RBPMS: variants seen among roughly 807,000 people sequenced by gnomAD.
RBPMS encodes RNA binding protein, mRNA processing factor.
In RBPMS, 7 loss-of-function variants were observed where a neutral mutation model predicts 26.8. The ratio of observed to expected loss-of-function variants is 0.26; its 90% CI spans 0.15 to 0.49. The LOEUF is 0.49. RBPMS is among the 20% of genes least tolerant of loss of function. RBPMS has a pLI of 0.98. For missense variants in RBPMS, 186 were observed against 250.0 expected, an observed-to-expected ratio of 0.74 and a Z score of 1.73; for synonymous variants, 96 against 93.3, an observed-to-expected ratio of 1.03 and a Z score of -0.17.
intron 6 of RBPMS, chr8:30,553,102 G>A (rs1215841517): frequency 2.0e-5 from 3 of 152,212 alleles, no homozygotes; most frequent in Admixed American, 6.5e-5. Context: ...AGATCATAGC[G>A]ACTTAATTGC....
At chr8:30,566,929 A>G (rs1388115275) in intron 8 of RBPMS, among the ~76,000 whole-genome samples, 1 of 152,098 alleles carries the variant, frequency 6.6e-6, no homozygotes, top group Non-Finnish European at 1.5e-5. Flanking sequence ...TTAGTAGTTC[A>G]TGGTTTTAGT....
chr8:30,425,182 C>G (rs1326541037), intron 1 of RBPMS, among the ~76,000 whole-genome samples: 1 of 151,762 alleles, frequency 6.6e-6, no homozygotes, highest in Non-Finnish European at 1.5e-5. Flanking sequence ...GTCTCAAACT[C>G]CTAGACTAAA....
intron 5 of RBPMS, among the ~76,000 whole-genome samples, chr8:30,528,819 GT>G (rs1480255939): frequency 2.6e-5 from 4 of 151,750 alleles, no homozygotes; most frequent in African/African-American, 7.3e-5. Flanking sequence ...TTTTTGGTTT[GT>G]TTTTTGGTTT....
At position 30,560,684 on chromosome 8, in the gene RBPMS, C is replaced by G. The variant is rs572775380; in HGVS notation, c.*7+1728C>G. On this transcript the variant is annotated intron_variant, in intron 7 of 8. Coordinates refer to ENST00000397323, the MANE Select transcript of RBPMS (RefSeq NM_001008710.3). Reference sequence around the variant, plus strand: ...AGGTCAGTGAAACAAATTTCTTTACCCAAAGATTCTCAGAGCCTTTATTAC... The same window carrying G: ...AGGTCAGTGAAACAAATTTCTTTACGCAAAGATTCTCAGAGCCTTTATTAC... Among the ~76,000 whole-genome samples, 20 of 152,166 alleles carry G rather than the reference C, an allele frequency of 1.3e-4. 1 individual carries two copies. In the South Asian group the frequency reaches 3.7e-3, roughly 28 times the overall value.
chr8:30,517,231 TG>T (rs1822433820), intron 5 of RBPMS, among the ~76,000 whole-genome samples: 1 of 138,756 alleles, frequency 7.2e-6, no homozygotes, highest in Non-Finnish European at 1.6e-5. Context: ...TGTGTGTGTG[TG>T]TGTGTGAAAT....
rs187513036 is a variant in RBPMS, at chr8:30,555,739, G to A, written c.529-3148G>A. 7.8e-4 allele frequency: 233 copies of A among 299,830 alleles called. 1 individual carries two copies. Among genetic ancestry groups the A allele is most frequent in the Admixed American group, 1.5e-3 (23 of 15,460 alleles). 18.6% of individuals were successfully genotyped at this position (299,830 alleles called of 1,614,324 possible). A position where few individuals can be genotyped will look rare whatever the true frequency, so the allele number is the denominator to read the frequency against. On this transcript the variant is annotated intron_variant, in intron 6 of 8. Transcript: ENST00000397323. The stretch of plus-strand genomic sequence containing the variant: ...AGAGGACCTTGACGCAGGCAGTCTG[G>A]AGGGAACTGTAGGTTTCCCCGTTAA...
chr8:30,521,978 A>G lies in RBPMS; in HGVS notation c.397+17542A>G, dbSNP rs553099786. Among the ~76,000 whole-genome samples the G allele has an allele frequency of 7.2e-5, 11 of 152,346 alleles. 2 individuals carry two copies. The highest frequency in any genetic ancestry group is 1.2e-4 in the African/African-American group (5 of 41,578). On this transcript the variant is annotated intron_variant, in intron 5 of 8. Coordinates refer to ENST00000397323, the MANE Select transcript of RBPMS (RefSeq NM_001008710.3). ...TAGGAGAAATAAGCTCAAGAGATCT[A>G]TTGTACATTATGGTGACTGTAGTTA...
intron 5 of RBPMS, among the ~76,000 whole-genome samples, chr8:30,534,381 A>G (rs576482559): frequency 6.6e-6 from 1 of 152,366 alleles, no homozygotes; most frequent in South Asian, 2.1e-4. Flanking sequence ...ATGCTTGTGA[A>G]GGATACTATA....
chr8:30,551,682 C>T (rs1563442748), intron 6 of RBPMS, among the ~76,000 whole-genome samples: 2 of 152,196 alleles, frequency 1.3e-5, no homozygotes, highest in African/African-American at 4.8e-5. Flanking sequence ...CTCGGCTCTT[C>T]CCTGGGATTA....
intron 1 of RBPMS, among the ~76,000 whole-genome samples, chr8:30,455,736 A>G (rs1203785518): frequency 2.0e-5 from 3 of 151,990 alleles, no homozygotes; most frequent in African/African-American, 7.2e-5. Flanking sequence ...AAAAATACAA[A>G]AAAATTAGCC....
At chr8:30,492,041 A>G (rs1819455600) in intron 4 of RBPMS, among the ~76,000 whole-genome samples, 2 of 152,088 alleles carry the variant, frequency 1.3e-5, no homozygotes. Context: ...ACAGGCGTGC[A>G]GCACCACGTC....
intron 1 of RBPMS, among the ~76,000 whole-genome samples, chr8:30,432,008 G>T (rs1811992428): frequency 6.6e-6 from 1 of 151,648 alleles, no homozygotes; most frequent in Non-Finnish European, 1.5e-5. Context: ...TATATCTGAG[G>T]TCCCAGCTAC....
intron 4 of RBPMS, among the ~76,000 whole-genome samples, chr8:30,495,123 AGAG>A (rs1819791548): frequency 1.3e-5 from 2 of 152,222 alleles, no homozygotes; most frequent in African/African-American, 2.4e-5. Flanking sequence ...AGATATTATC[AGAG>A]GAGAAGTTAC....
chr8:30,561,066 T>C (rs1827436648), intron 7 of RBPMS, among the ~76,000 whole-genome samples: 1 of 152,214 alleles, frequency 6.6e-6, no homozygotes, highest in Non-Finnish European at 1.5e-5. Context: ...AAATGGTAAT[T>C]GTCTCTTAAA....
chr8:30,554,587 AAGC>A (rs1366232778), intron 6 of RBPMS, among the ~76,000 whole-genome samples: 1 of 152,068 alleles, frequency 6.6e-6, no homozygotes, highest in Non-Finnish European at 1.5e-5. Context: ...CCTTAATTAA[AAGC>A]AGCATCTCTC....
chr8:30,444,833 C>G (rs940852971), intron 1 of RBPMS: 1 of 152,176 alleles, frequency 6.6e-6, no homozygotes, highest in African/African-American at 2.4e-5. Context: ...AAAATGTTTT[C>G]TTTTGTTGTG....
chr8:30,518,792 T>C lies in RBPMS; in HGVS notation c.397+14356T>C, dbSNP rs527596768. 9.7e-5 allele frequency among the ~76,000 whole-genome samples: 14 copies of C among 143,620 alleles called. No individual in the cohort carries two copies. In the East Asian group the frequency reaches 2.4e-3, roughly 24 times the overall value. 94.2% of individuals were successfully genotyped at this position (143,620 alleles called of 152,430 possible). On this transcript the variant is annotated intron_variant, in intron 5 of 8. Coordinates refer to ENST00000397323, the MANE Select transcript of RBPMS (RefSeq NM_001008710.3). ...GCCAAATACAGGCACATGCATACAT[T>C]ATCGTTAACCCCTCCTGACCTCAGT... is the stretch of plus-strand genomic sequence containing the variant.
Position 30,558,951 on chromosome 8 carries a change from T to A in RBPMS, c.*2T>A. The A allele has an allele frequency of 6.2e-7, 1 of 1,613,748 alleles. No individual in the cohort carries two copies. Among genetic ancestry groups the A allele is most frequent in the Non-Finnish European group, 8.5e-7 (1 of 1,179,670 alleles). ...TGGAAGTCCCGTCAGTTCTGCTGAA[T>A]ACTATGTAAGTACTCGCTTTCCTTT... On this transcript the variant is annotated 3_prime_UTR_variant, in exon 7 of 9. Coordinates refer to ENST00000397323, the MANE Select transcript of RBPMS (RefSeq NM_001008710.3).
chr8:30,557,227 C>T (rs369735207), intron 6 of RBPMS, among the ~76,000 whole-genome samples: 4 of 152,192 alleles, frequency 2.6e-5, no homozygotes, highest in Admixed American at 2.0e-4. Flanking sequence ...CCTAAGCCTG[C>T]GTTTCCTGAC....
Sources: allele counts gnomAD v4.1 joint callset (sites outside exome capture counted in the v4.1 genomes callset), GRCh38; gene constraint gnomAD v4.1.1; transcripts MANE v1.5; gene names NCBI Gene and HGNC (gene_info 2026-07-23, HGNC 2026-07-21).